VPS13B: variants seen among roughly 807,000 people sequenced by gnomAD.
The protein encoded by VPS13B is intermembrane lipid transfer protein VPS13B.
In VPS13B, 285 loss-of-function variants were observed where a neutral mutation model predicts 426.4. The observed-to-expected ratio is 0.67, with a 90% CI of 0.61 to 0.74. The LOEUF (loss-of-function observed/expected upper bound fraction) is 0.74. Among genes scored for constraint, VPS13B ranks in the 30% least tolerant of loss-of-function variants. VPS13B has a pLI of 0.00. For synonymous variants in VPS13B, 1,676 were observed against 1,676.4 expected, an observed-to-expected ratio of 1.00 and a Z score of 0.01; for missense variants, 4,537 against 4,782.6, an observed-to-expected ratio of 0.95 and a Z score of 1.51.
intron 30 of VPS13B, among the ~76,000 whole-genome samples, chr8:99,544,563 C>G (rs959273216): frequency 1.3e-5 from 2 of 152,100 alleles, no homozygotes; most frequent in Non-Finnish European, 2.9e-5. Context: ...AGTGCTTAGT[C>G]TGACTATAGT....
chr8:99,681,348 G>A (rs1289287334), intron 35 of VPS13B, among the ~76,000 whole-genome samples: 1 of 152,108 alleles, frequency 6.6e-6, no homozygotes, highest in Non-Finnish European at 1.5e-5. Context: ...GACTGCCCTA[G>A]CCACTCTGTT....
chr8:99,487,971 A>G (rs1227790116), intron 25 of VPS13B, among the ~76,000 whole-genome samples: 1 of 152,200 alleles, frequency 6.6e-6, no homozygotes, highest in African/African-American at 2.4e-5. Flanking sequence ...AATTGTATGC[A>G]TGTTATATGA....
At chr8:99,461,086 C>G (rs978061623) in intron 23 of VPS13B, among the ~76,000 whole-genome samples, 1 of 151,818 alleles carries the variant, frequency 6.6e-6, no homozygotes, top group Admixed American at 6.6e-5. Flanking sequence ...TTTAAAAAAC[C>G]TCCTTATTTG....
chr8:99,756,758 G>A (rs1413275899), intron 39 of VPS13B, among the ~76,000 whole-genome samples: 2 of 152,184 alleles, frequency 1.3e-5, no homozygotes, highest in East Asian at 3.8e-4. Context: ...ACTGGGATAA[G>A]TGGCAAAAAT....
intron 25 of VPS13B, among the ~76,000 whole-genome samples, chr8:99,485,429 G>A (rs953063619): frequency 2.6e-5 from 4 of 152,166 alleles, no homozygotes; most frequent in African/African-American, 9.7e-5. Flanking sequence ...GCTAACGAGT[G>A]CGCTGAAACA....
At chr8:99,379,790 T>C (rs1813693574) in intron 19 of VPS13B, among the ~76,000 whole-genome samples, 1 of 152,182 alleles carries the variant, frequency 6.6e-6, no homozygotes, top group Non-Finnish European at 1.5e-5. Flanking sequence ...TTTTATGTGG[T>C]ATTTATATGA....
At chr8:99,875,220 A>AACTT in intron 61 of VPS13B, 198 bp from the exon 62 acceptor site, 1 of 744,774 alleles carries the variant, frequency 1.3e-6, no homozygotes. Context: ...TCTCATGCAC[A>AACTT]ACTTTCAGTT....
intron 30 of VPS13B, among the ~76,000 whole-genome samples, chr8:99,545,378 A>G (rs1327125105): frequency 4.6e-5 from 7 of 152,262 alleles, no homozygotes; most frequent in Admixed American, 3.9e-4. Flanking sequence ...ATCTGCACTA[A>G]TACAGTAGCC....
intron 2 of VPS13B, among the ~76,000 whole-genome samples, chr8:99,025,631 G>A (rs1019985927): frequency 6.6e-6 from 1 of 152,120 alleles, no homozygotes; most frequent in Non-Finnish European, 1.5e-5. Context: ...AGTTTGAGAA[G>A]AATTGGTATT....
At chr8:99,502,107 C>T (rs1221280822) in intron 26 of VPS13B, among the ~76,000 whole-genome samples, 1 of 152,054 alleles carries the variant, frequency 6.6e-6, no homozygotes, top group African/African-American at 2.4e-5. Context: ...GCCTCAGCCT[C>T]CCGAATAGCT....
chr8:99,036,653 G>A (rs931289850), intron 2 of VPS13B, among the ~76,000 whole-genome samples: 1 of 152,096 alleles, frequency 6.6e-6, no homozygotes, highest in East Asian at 1.9e-4. Flanking sequence ...ATGATACTAA[G>A]TTCTTGAGTT....
chr8:99,432,695 G>A (rs1817176917), intron 22 of VPS13B, among the ~76,000 whole-genome samples: 2 of 152,068 alleles, frequency 1.3e-5, no homozygotes, highest in Non-Finnish European at 2.9e-5. Flanking sequence ...AGACTATACT[G>A]GAAGAAGCTG....
rs541240861 is a variant in VPS13B at position 99,326,919 on chromosome 8, T to G, written c.2824+51665T>G. 3.3e-5 allele frequency among the ~76,000 whole-genome samples: 5 copies of G among 152,292 alleles called. No homozygotes were observed. In the East Asian group the frequency reaches 9.6e-4, roughly 29 times the overall value. ...TCAGACACATGAGACCACTTTGAAT[T>G]AAGTTGTTAGATGATTTTTGGATTT... On this transcript the variant is annotated intron_variant, in intron 19 of 61. Coordinates refer to ENST00000357162, the MANE Select transcript of VPS13B (RefSeq NM_152564.5).
At chr8:99,113,007 TTC>T (rs1028088851) in intron 6 of VPS13B, among the ~76,000 whole-genome samples, 3 of 151,990 alleles carry the variant, frequency 2.0e-5, no homozygotes, top group African/African-American at 7.3e-5. Context: ...TTCTTTTCTT[TTC>T]TCTCTTTCTT....
chr8:99,638,973 C>T lies in VPS13B; in HGVS notation c.5221-2838C>T, dbSNP rs182043784. Among the ~76,000 whole-genome samples, 191 of 152,306 alleles carry T rather than the reference C, an allele frequency of 1.3e-3. 1 individual carries two copies. Among genetic ancestry groups the T allele is most frequent in the Admixed American group, 6.7e-3 (103 of 15,290 alleles). ...GAAGCAGAATTGTATACTCCATTCCCTCTAACAGTTCTTCACCTGGTAAAA... is the reference window on the plus strand; with the variant it reads ...GAAGCAGAATTGTATACTCCATTCCTTCTAACAGTTCTTCACCTGGTAAAA... On this transcript the variant is annotated intron_variant, in intron 33 of 61. Coordinates refer to ENST00000357162, the MANE Select transcript of VPS13B (RefSeq NM_152564.5).
chr8:99,720,627 A>G (rs1833095554), intron 38 of VPS13B, 75 bp downstream of exon 38: 1 of 1,484,632 alleles, frequency 6.7e-7, no homozygotes, highest in Non-Finnish European at 9.4e-7. Flanking sequence ...TGACTAAATA[A>G]AAACAATCAA....
intron 44 of VPS13B, among the ~76,000 whole-genome samples, chr8:99,815,692 A>G (rs1813994786): frequency 6.6e-6 from 1 of 152,190 alleles, no homozygotes; most frequent in African/African-American, 2.4e-5. Context: ...AATATTACAA[A>G]TAGGAAATTC....
chr8:99,805,219 G>A (rs1813335782), intron 43 of VPS13B, among the ~76,000 whole-genome samples: 1 of 150,640 alleles, frequency 6.6e-6, no homozygotes, highest in African/African-American at 2.4e-5. Flanking sequence ...ACGTATTACT[G>A]TAGGGTAAAT....
At chr8:99,111,842 T>C (rs1014193094) in intron 6 of VPS13B, among the ~76,000 whole-genome samples, 1 of 152,192 alleles carries the variant, frequency 6.6e-6, no homozygotes, top group Non-Finnish European at 1.5e-5. Flanking sequence ...AAGGGATTTG[T>C]TACAAGGGTA....
Sources: allele counts gnomAD v4.1 joint callset (sites outside exome capture counted in the v4.1 genomes callset), GRCh38; gene constraint gnomAD v4.1.1; transcripts MANE v1.5; gene names NCBI Gene and HGNC (gene_info 2026-07-23, HGNC 2026-07-21).